The following TTC28 variants were observed in gnomAD, a reference collection of about 807,000 sequenced individuals.
TTC28 encodes the protein tetratricopeptide repeat protein 28.
TTC28 carries 61 observed loss-of-function variants against 198.0 expected under a neutral mutation model. The ratio of observed to expected loss-of-function variants is 0.31; its 90% CI spans 0.25 to 0.38. The LOEUF (loss-of-function observed/expected upper bound fraction) is 0.38, where lower values mean the gene tolerates loss of function less well. Among genes scored for constraint, TTC28 ranks in the 10% least tolerant of loss-of-function variants. The pLI, the probability that TTC28 is intolerant of heterozygous loss-of-function variation, is 1.00. For missense variants in TTC28, 2,678 were observed against 3,164.0 expected (o/e 0.85, Z 3.69); for synonymous variants, 1,171 against 1,297.8 (o/e 0.90, Z 2.10).
chr22:28,135,200 T>C (rs1314941083), intron 6 of TTC28, among the ~76,000 whole-genome samples: 2 of 152,176 alleles, frequency 1.3e-5, no homozygotes, highest in African/African-American at 4.8e-5. Flanking sequence ...GCCATCCTGT[T>C]ACTACCTTGG....
intron 2 of TTC28, among the ~76,000 whole-genome samples, chr22:28,399,656 A>C (rs1461595537): frequency 6.6e-6 from 1 of 152,218 alleles, no homozygotes; most frequent in Non-Finnish European, 1.5e-5. Context: ...AAATTTCTAT[A>C]ATCACACAAA....
chr22:28,395,275 CCCTT>C (rs1200051266), intron 2 of TTC28, among the ~76,000 whole-genome samples: 7 of 152,142 alleles, frequency 4.6e-5, no homozygotes, highest in African/African-American at 1.7e-4. Context: ...TAATCTTCCT[CCCTT>C]CCTTTCTTCT....
At chr22:28,532,365 T>C (rs1240427507) in intron 2 of TTC28, among the ~76,000 whole-genome samples, 1 of 152,024 alleles carries the variant, frequency 6.6e-6, no homozygotes, top group African/African-American at 2.4e-5. Context: ...AGGAAGAAGG[T>C]GAATCCCTGA....
At chr22:28,240,794 A>C (rs975706546) in intron 5 of TTC28, among the ~76,000 whole-genome samples, 1 of 152,224 alleles carries the variant, frequency 6.6e-6, no homozygotes, top group African/African-American at 2.4e-5. Context: ...TAATGGAGAC[A>C]AGTCAAAAGA....
At chr22:28,512,281 C>G (rs1048185560) in intron 2 of TTC28, among the ~76,000 whole-genome samples, 22 of 151,554 alleles carry the variant, frequency 1.5e-4, no homozygotes, top group African/African-American at 5.3e-4. Context: ...TATTATAAAA[C>G]AGTCAAAAAA....
intron 8 of TTC28, among the ~76,000 whole-genome samples, chr22:28,103,488 G>T (rs1465584284): frequency 6.6e-6 from 1 of 152,142 alleles, no homozygotes; most frequent in Admixed American, 6.5e-5. Context: ...GGAGCAGTAG[G>T]GTGGTTTCCA....
In TTC28 at chr22:28,297,704, G is replaced by A; in HGVS notation, c.678C>T (p.Gly226=). ...AACCTCTCAGTTTGAGGCTGCAGGT[G>A]CCAATCTTCAGTGCGGCTTCTAAGA... ...VVVLEAALKI[G]TCSLKLRGSV... is the part of the protein sequence containing the mutation. Residue 226 remains glycine (G), a synonymous_variant, in exon 4 of 23, where the codon GGC becomes GGT. Coordinates refer to ENST00000397906, the MANE Select transcript of TTC28 (RefSeq NM_001145418.2). The A allele has an allele frequency of 1.4e-5, 22 of 1,551,676 alleles. No homozygotes were observed. Among genetic ancestry groups the A allele is most frequent in the Non-Finnish European group, 1.9e-5 (22 of 1,146,988 alleles).
chr22:28,001,317 G>A (rs922561954), intron 15 of TTC28, 57 bp downstream of exon 15: 57 of 1,512,194 alleles, frequency 3.8e-5, no homozygotes, highest in South Asian at 1.5e-4. Flanking sequence ...CCAGATAGAC[G>A]GTGCCTCGTG....
rs1225672529 is a variant in TTC28 at position 28,105,264 on chromosome 22, G to C, written c.3307+15C>G. 1.3e-6 allele frequency: 2 copies of C among 1,547,284 alleles called. No individual in the cohort carries two copies. The highest frequency in any genetic ancestry group is 1.7e-6 in the Non-Finnish European group (2 of 1,144,294). ...TCAAGTAGGCCAAGAGAACACAATG[G>C]GCCTTTTCACCTACCTTCCTGTAAG... On this transcript the variant is annotated intron_variant, in intron 8 of 22. Coordinates refer to ENST00000397906, the MANE Select transcript of TTC28 (RefSeq NM_001145418.2).
intron 5 of TTC28, among the ~76,000 whole-genome samples, chr22:28,265,419 A>C (rs745976534): frequency 6.6e-6 from 1 of 152,160 alleles, no homozygotes; most frequent in Non-Finnish European, 1.5e-5. Flanking sequence ...CCACCAACGG[A>C]AATGTTTTCT....
In TTC28 at chr22:28,001,387, C is replaced by T; in HGVS notation, c.4385G>A (p.Ser1462Asn). ...TGTGAGCCTTACCTTGGACTGCACG[C>T]TGAGGGAGCGGATGGAAGGGACAGC... is the stretch of plus-strand genomic sequence containing the variant. Reference protein sequence around the residue: ...LLAVPSIRSLSVQSKSHLRKN... With the variant: ...LLAVPSIRSLNVQSKSHLRKN... The change falls in exon 15 of 23, where the codon AGC (serine) becomes AAC (asparagine). Residue 1462 changes from serine to asparagine, a missense_variant. Transcript: ENST00000397906. 6.4e-7 allele frequency: 1 copy of T among 1,550,642 alleles called. No homozygotes were observed. The highest frequency in any genetic ancestry group is 8.7e-7 in the Non-Finnish European group (1 of 1,146,318).
At chr22:28,660,831 G>T (rs993900905) in intron 1 of TTC28, among the ~76,000 whole-genome samples, 1 of 149,100 alleles carries the variant, frequency 6.7e-6, no homozygotes, top group Non-Finnish European at 1.5e-5. Flanking sequence ...GCCAATTTTT[G>T]TATTTTTAGT....
chr22:28,417,464 G>GA (rs1264082729), intron 2 of TTC28, among the ~76,000 whole-genome samples: 1 of 151,872 alleles, frequency 6.6e-6, no homozygotes, highest in African/African-American at 2.4e-5. Flanking sequence ...AACACAGTGA[G>GA]ACCCCCATCT....
chr22:28,337,396 G>T (rs1269547165), intron 2 of TTC28, among the ~76,000 whole-genome samples: 1 of 152,158 alleles, frequency 6.6e-6, no homozygotes, highest in Non-Finnish European at 1.5e-5. Flanking sequence ...GGATATCCTT[G>T]TTAACTTTCT....
chr22:28,327,658 A>G (rs2045553139), intron 2 of TTC28, among the ~76,000 whole-genome samples: 1 of 152,174 alleles, frequency 6.6e-6, no homozygotes, highest in African/African-American at 2.4e-5. Context: ...AAATAATAAG[A>G]ATTAATTGCA....
At chr22:28,492,595 C>T (rs1276877163) in intron 2 of TTC28, among the ~76,000 whole-genome samples, 2 of 152,006 alleles carry the variant, frequency 1.3e-5, no homozygotes, top group African/African-American at 4.8e-5. Flanking sequence ...GATAAGATAC[C>T]ATGCAGATTC....
At chr22:28,033,103 GAGA>G (rs1422254249) in intron 12 of TTC28, among the ~76,000 whole-genome samples, 1 of 152,164 alleles carries the variant, frequency 6.6e-6, no homozygotes, top group Non-Finnish European at 1.5e-5. Flanking sequence ...TTGCAAAGGG[GAGA>G]AGAATTGCCT....
chr22:28,537,334 A>AAAAT lies in TTC28; in HGVS notation c.381+92214_381+92217dup, dbSNP rs2049313896. On this transcript the variant is annotated intron_variant, in intron 2 of 22. Transcript: ENST00000397906. ...AAAATAAAATAAAATAAAATAAAAT[A>AAAAT]AAATAAAAACAAGAATAGGCAAATC... is the stretch of plus-strand genomic sequence containing the variant. Among the ~76,000 whole-genome samples, 4 of 148,882 alleles carry AAAAT rather than the reference A, an allele frequency of 2.7e-5. No homozygotes were observed. In the East Asian group the frequency reaches 8.3e-4, roughly 31 times the overall value.
At chr22:28,603,060 TA>T (rs2036020717) in intron 2 of TTC28, among the ~76,000 whole-genome samples, 2 of 152,104 alleles carry the variant, frequency 1.3e-5, no homozygotes, top group Non-Finnish European at 2.9e-5. Flanking sequence ...TTTGTATTTT[TA>T]GTAGAGACGG....
Sources: gnomAD v4.1 joint callset for allele counts (sites outside exome capture counted in the v4.1 genomes callset) on GRCh38, gnomAD v4.1.1 for gene constraint, MANE v1.5 for transcripts, NCBI Gene and HGNC (gene_info 2026-07-23, HGNC 2026-07-21) for gene names.